The following PPP2R2C variants were observed in gnomAD, a reference collection of about 807,000 sequenced individuals.
PPP2R2C encodes the protein protein phosphatase 2 regulatory subunit Bgamma, also known as protein phosphatase 2, regulatory subunit B, gamma.
A neutral mutation model predicts 45.3 loss-of-function variants in PPP2R2C; 10 were observed. That is an observed-to-expected ratio of 0.22 (90% CI 0.14 to 0.37). PPP2R2C has a LOEUF of 0.37. PPP2R2C is among the 10% of genes least tolerant of loss of function. The pLI is 1.00. For missense variants in PPP2R2C, 308 were observed against 619.7 expected, an observed-to-expected ratio of 0.50 and a Z score of 5.34; for synonymous variants, 257 against 245.4, an observed-to-expected ratio of 1.05 and a Z score of -0.44.
At chr4:6,402,002 A>C (rs1717447535) in intron 1 of PPP2R2C, among the ~76,000 whole-genome samples, 1 of 152,184 alleles carries the variant, frequency 6.6e-6, no homozygotes, top group South Asian at 2.1e-4. Flanking sequence ...CCAGTTGCTC[A>C]ACCTCTCTGT....
intron 5 of PPP2R2C, chr4:6,350,665 T>C: frequency 1.2e-6 from 1 of 845,000 alleles, no homozygotes; most frequent in Non-Finnish European, 1.3e-6. Context: ...TTCCAGGTTC[T>C]CTCCCAAGGG....
chr4:6,473,264 A>G (rs989913782), upstream of PPP2R2C, among the ~76,000 whole-genome samples: 66 of 152,166 alleles, frequency 4.3e-4, 1 homozygote, highest in Non-Finnish European at 1.2e-4. Context: ...CTCCAAAACC[A>G]GGCTGGAAAA....
intron 1 of PPP2R2C, among the ~76,000 whole-genome samples, chr4:6,430,706 C>T (rs10010817): frequency 0.019 from 2,913 of 152,264 alleles, 87 homozygotes; most frequent in African/African-American, 0.065. Context: ...GGGTGGATCA[C>T]ATGAGGTCAG....
At chr4:6,527,492 G>C (rs1383551434) in intron 2 of PPP2R2C, among the ~76,000 whole-genome samples, 11 of 107,576 alleles carry the variant, frequency 1.0e-4, no homozygotes, top group Non-Finnish European at 1.9e-5. Flanking sequence ...GACCTGCCAA[G>C]TGCCCCAACC....
intron 1 of PPP2R2C, among the ~76,000 whole-genome samples, chr4:6,448,541 G>A (rs933136891): frequency 1.5e-4 from 23 of 152,016 alleles, no homozygotes; most frequent in African/African-American, 4.6e-4. Flanking sequence ...ATCACTGGCC[G>A]AGGGGTGAGG....
chr4:6,415,230 T>TA (rs780739501), intron 1 of PPP2R2C, among the ~76,000 whole-genome samples: 3 of 152,344 alleles, frequency 2.0e-5, no homozygotes, highest in Non-Finnish European at 4.4e-5. Context: ...TGTCCACTGT[T>TA]ACAGCCGGCC....
chr4:6,518,900 G>A (rs1485661983), intron 2 of PPP2R2C, among the ~76,000 whole-genome samples: 2 of 129,732 alleles, frequency 1.5e-5, no homozygotes, highest in Non-Finnish European at 3.1e-5. Flanking sequence ...TCCAGCCTGG[G>A]CAACAGAGCA....
At chr4:6,414,152 A>G in intron 1 of PPP2R2C, 1 of 1,152,496 alleles carries the variant, frequency 8.7e-7, no homozygotes. Flanking sequence ...AAAGAAACAA[A>G]ATACGGCCTA....
intron 1 of PPP2R2C, among the ~76,000 whole-genome samples, chr4:6,431,895 T>C (rs1719642878): frequency 6.6e-6 from 1 of 152,150 alleles, no homozygotes; most frequent in Non-Finnish European, 1.5e-5. Context: ...TTCTAGAGGC[T>C]GGGAAGTCCA....
At chr4:6,403,586 G>A (rs1452445818) in intron 1 of PPP2R2C, among the ~76,000 whole-genome samples, 1 of 152,146 alleles carries the variant, frequency 6.6e-6, no homozygotes, top group African/African-American at 2.4e-5. Context: ...CCACTGACAT[G>A]AGTATTTAGT....
intron 1 of PPP2R2C, among the ~76,000 whole-genome samples, chr4:6,393,656 A>G (rs1184102756): frequency 6.6e-6 from 1 of 152,208 alleles, no homozygotes; most frequent in East Asian, 1.9e-4. Flanking sequence ...TGGGCAGTGC[A>G]CAAGGGACAG....
At chr4:6,479,926 G>A (rs990683494) in intron 2 of PPP2R2C, among the ~76,000 whole-genome samples, 9 of 151,496 alleles carry the variant, frequency 5.9e-5, no homozygotes, top group South Asian at 4.2e-4. Context: ...GCCCAGGCCC[G>A]TCTCTAATTC....
At chr4:6,382,713 A>ACC (rs1577131987) in intron 1 of PPP2R2C, 3 of 358,226 alleles carry the variant, frequency 8.4e-6, no homozygotes, top group East Asian at 1.7e-4. Context: ...ACACACACAC[A>ACC]CACCCCACAT....
At chr4:6,474,401 T>C (rs1050972103), upstream of PPP2R2C, among the ~76,000 whole-genome samples, 1 of 152,156 alleles carries the variant, frequency 6.6e-6, no homozygotes, top group African/African-American at 2.4e-5. Flanking sequence ...CCAGTCCTGC[T>C]CAGCAGGGGT....
At chr4:6,480,655 G>T (rs1482635825) in intron 2 of PPP2R2C, among the ~76,000 whole-genome samples, 1 of 152,198 alleles carries the variant, frequency 6.6e-6, no homozygotes, top group Admixed American at 6.5e-5. Context: ...AGCCTGCAGT[G>T]TAAAGGTTTC....
chr4:6,440,845 G>C (rs1311196175), intron 1 of PPP2R2C, among the ~76,000 whole-genome samples: 1 of 152,226 alleles, frequency 6.6e-6, no homozygotes, highest in Admixed American at 6.5e-5. Flanking sequence ...TTCTGGAAGT[G>C]ATTAGGAAGT....
intron 1 of PPP2R2C, among the ~76,000 whole-genome samples, chr4:6,449,757 G>T (rs1171775840): frequency 1.3e-5 from 2 of 152,190 alleles, no homozygotes; most frequent in Non-Finnish European, 2.9e-5. Context: ...CCGCACAAGG[G>T]CCTGCTCTGA....
intron 2 of PPP2R2C, among the ~76,000 whole-genome samples, chr4:6,507,497 C>T (rs953450758): frequency 6.6e-6 from 1 of 152,244 alleles, no homozygotes; most frequent in Non-Finnish European, 1.5e-5. Flanking sequence ...GTGGGCTACC[C>T]TACTAGACTC....
intron 1 of PPP2R2C, among the ~76,000 whole-genome samples, chr4:6,562,962 C>CAAAAAAAA (rs746793663): frequency 0.024 from 1,999 of 82,706 alleles, 39 homozygotes; most frequent in East Asian, 0.2. Flanking sequence ...CCCTGCCAGC[C>CAAAAAAAA]AAAAAAAAAA....
Sources: gnomAD v4.1 joint callset for allele counts (sites outside exome capture counted in the v4.1 genomes callset) on GRCh38, gnomAD v4.1.1 for gene constraint, MANE v1.5 for transcripts, NCBI Gene and HGNC (gene_info 2026-07-23, HGNC 2026-07-21) for gene names.